The following GRID2 variants were observed in gnomAD, a reference collection of about 807,000 sequenced individuals.
GRID2 encodes the protein glutamate ionotropic receptor delta type subunit 2.
Under a neutral mutation model 114.8 loss-of-function variants are expected in GRID2, and 33 were observed. The ratio of observed to expected loss-of-function variants is 0.29; its 90% confidence interval spans 0.22 to 0.38. GRID2 has a LOEUF of 0.38. Among genes scored for constraint, GRID2 ranks in the 10% least tolerant of loss-of-function variants. The probability of loss-of-function intolerance (pLI) is 1.00; values close to 1 mark genes in which losing one functional copy is unlikely to be tolerated. For missense variants in GRID2, 1,184 were observed against 1,257.7 expected (o/e 0.94, Z 0.89); for synonymous variants, 505 against 449.9 (o/e 1.12, Z -1.55).
intron 8 of GRID2, among the ~76,000 whole-genome samples, chr4:93,375,961 G>C (rs1382691622): frequency 6.6e-6 from 1 of 152,054 alleles, no homozygotes; most frequent in Non-Finnish European, 1.5e-5. Flanking sequence ...TTTCCCTGAG[G>C]CCTCTCTCTT....
At chr4:92,486,927 G>A (rs976403950) in intron 1 of GRID2, among the ~76,000 whole-genome samples, 6 of 151,756 alleles carry the variant, frequency 4.0e-5, no homozygotes, top group Non-Finnish European at 7.4e-5. Flanking sequence ...GTTTAATTAT[G>A]GCTTTTCTTC....
chr4:93,393,722 G>C (rs1309186654), intron 8 of GRID2, among the ~76,000 whole-genome samples: 3 of 151,930 alleles, frequency 2.0e-5, no homozygotes, highest in Non-Finnish European at 2.9e-5. Flanking sequence ...AAATGGCTCA[G>C]GTTTCACTGT....
intron 2 of GRID2, among the ~76,000 whole-genome samples, chr4:92,759,616 T>C (rs1737892035): frequency 6.6e-6 from 1 of 152,056 alleles, no homozygotes; most frequent in Non-Finnish European, 1.5e-5. Context: ...TCTTTTTTAT[T>C]CTTTTCAGAT....
At chr4:93,466,532 G>A (rs575322716) in intron 11 of GRID2, among the ~76,000 whole-genome samples, 1 of 152,152 alleles carries the variant, frequency 6.6e-6, no homozygotes, top group Admixed American at 6.5e-5. Context: ...TTAGGGGGCA[G>A]TTTATGCAGA....
At chr4:92,454,146 T>G (rs1413493162) in intron 1 of GRID2, among the ~76,000 whole-genome samples, 1 of 152,192 alleles carries the variant, frequency 6.6e-6, no homozygotes, top group Non-Finnish European at 1.5e-5. Context: ...TGCTATTACT[T>G]ACAAAATTTG....
At chr4:93,808,847 C>T (rs368497734) in exon 2 of GRID2, 2 of 152,018 alleles carry the variant, frequency 1.3e-5, no homozygotes, top group African/African-American at 2.4e-5. Flanking sequence ...CGCATGCTTC[C>T]GAAAATAAAG....
rs192030489 is a variant in GRID2, at chr4:92,541,822, T to C, written c.89-48309T>C. Among the ~76,000 whole-genome samples, 30 of 152,254 alleles carry C rather than the reference T, an allele frequency of 2.0e-4. No homozygotes were observed. The East Asian group carries it at 5.6e-3, about 28-fold the overall frequency. On this transcript the variant is annotated intron_variant, in intron 1 of 15. Transcript: ENST00000282020. ...ATCTTAATTTACTGTTAGAGAATCC[T>C]GGTTGTTCACCTTTCACCTGGAATA...
At chr4:92,342,262 AAAT>A (rs1352619856) in intron 1 of GRID2, among the ~76,000 whole-genome samples, 1 of 152,158 alleles carries the variant, frequency 6.6e-6, no homozygotes, top group Non-Finnish European at 1.5e-5. Flanking sequence ...CAGTTGGAGA[AAAT>A]AAGTTATATG....
chr4:92,817,929 G>T (rs1381767291), intron 2 of GRID2, among the ~76,000 whole-genome samples: 3 of 152,128 alleles, frequency 2.0e-5, no homozygotes, highest in Non-Finnish European at 4.4e-5. Context: ...CAAGTTTACA[G>T]AATTATAAGT....
At chr4:92,819,350 A>T (rs570946222) in intron 2 of GRID2, among the ~76,000 whole-genome samples, 2 of 152,216 alleles carry the variant, frequency 1.3e-5, no homozygotes, top group East Asian at 3.9e-4. Flanking sequence ...TAAGCTCCTG[A>T]GTGATTCCAA....
At chr4:93,038,223 G>A (rs1725108765) in intron 2 of GRID2, among the ~76,000 whole-genome samples, 1 of 152,086 alleles carries the variant, frequency 6.6e-6, no homozygotes, top group African/African-American at 2.4e-5. Flanking sequence ...TGTAGCATTT[G>A]TGAATGAGAG....
intron 8 of GRID2, among the ~76,000 whole-genome samples, chr4:93,381,681 C>A (rs528954444): frequency 1.8e-4 from 28 of 152,142 alleles, no homozygotes; most frequent in African/African-American, 4.8e-4. Flanking sequence ...CATTTCCATA[C>A]CCACTTCTTT....
chr4:92,765,406 G>T (rs1423245152), intron 2 of GRID2, among the ~76,000 whole-genome samples: 1 of 152,068 alleles, frequency 6.6e-6, no homozygotes, highest in Non-Finnish European at 1.5e-5. Context: ...CATATTTTAT[G>T]GGTAAGGATA....
intron 4 of GRID2, among the ~76,000 whole-genome samples, chr4:93,111,392 A>C (rs1417312412): frequency 6.6e-6 from 1 of 152,194 alleles, no homozygotes; most frequent in Non-Finnish European, 1.5e-5. Flanking sequence ...ATACAGATTT[A>C]TATCTTCTCT....
At position 92,960,216 on chromosome 4, in the gene GRID2, G is replaced by A. The variant is rs1389065194; in HGVS notation, c.245-124779G>A. ...TTACCTTGGTGAATTTTCCATGTTA[G>A]CTTGAGAGGCATGCTTTTCTGATGT... On this transcript the variant is annotated intron_variant, in intron 2 of 15. Coordinates refer to ENST00000282020, the MANE Select transcript of GRID2 (RefSeq NM_001510.4). Among the ~76,000 whole-genome samples, 3 of 151,886 alleles carry A rather than the reference G, an allele frequency of 2.0e-5. 1 individual carries two copies. Among genetic ancestry groups the A allele is most frequent in the Middle Eastern group, 6.3e-3 (2 of 316 alleles).
Position 92,898,873 on chromosome 4 carries a change from C to T in GRID2, c.245-186122C>T, listed in dbSNP as rs911370395. On this transcript the variant is annotated intron_variant, in intron 2 of 15. Transcript: ENST00000282020. ...TTATTTTTCTACTCTAAATCTGATA[C>T]AAAATAAGGCAATTAGAAGAAACAT... Among the ~76,000 whole-genome samples the T allele has an allele frequency of 4.1e-4, 62 of 151,920 alleles. 3 individuals are homozygous for T.
intron 2 of GRID2, among the ~76,000 whole-genome samples, chr4:93,034,059 T>A (rs1479691813): frequency 6.6e-6 from 1 of 152,194 alleles, no homozygotes; most frequent in Non-Finnish European, 1.5e-5. Flanking sequence ...AACTTTGAAC[T>A]GCCTTTGAGC....
At chr4:92,858,301 G>A (rs972077060) in intron 2 of GRID2, among the ~76,000 whole-genome samples, 10 of 152,140 alleles carry the variant, frequency 6.6e-5, no homozygotes, top group African/African-American at 1.9e-4. Flanking sequence ...GGACAAAATC[G>A]TGTGGAAAGG....
At chr4:93,432,692 T>G (rs1288680673) in intron 10 of GRID2, among the ~76,000 whole-genome samples, 1 of 152,148 alleles carries the variant, frequency 6.6e-6, no homozygotes. Flanking sequence ...CTGCTGACAT[T>G]ATACACTTGT....
Sources: gnomAD v4.1 joint callset for allele counts (sites outside exome capture counted in the v4.1 genomes callset) on GRCh38, gnomAD v4.1.1 for gene constraint, MANE v1.5 for transcripts, NCBI Gene and HGNC (gene_info 2026-07-23, HGNC 2026-07-21) for gene names.